NF1: variants seen among roughly 807,000 people sequenced by gnomAD.
NF1 encodes the protein neurofibromin.
A neutral mutation model predicts 325.7 loss-of-function variants in NF1; 122 were observed. That is an observed-to-expected ratio of 0.37 (90% CI 0.32 to 0.44). The LOEUF is 0.44. Among genes scored for constraint, NF1 ranks in the 20% least tolerant of loss-of-function variants. NF1 has a pLI of 1.00. For synonymous variants in NF1, 1,091 were observed against 1,186.0 expected (o/e 0.92, Z 1.65); for missense variants, 2,140 against 3,415.4 (o/e 0.63, Z 9.31).
intron 8 of NF1, chr17:31,183,491 C>A (rs1228995887): frequency 2.0e-5 from 3 of 152,166 alleles, no homozygotes; most frequent in African/African-American, 4.8e-5. Flanking sequence ...TCTGTGATTG[C>A]GTGTTACTCC....
intron 57 of NF1, among the ~76,000 whole-genome samples, chr17:31,362,543 C>CT (rs1347892414): frequency 6.6e-6 from 1 of 152,138 alleles, no homozygotes; most frequent in Non-Finnish European, 1.5e-5. Context: ...CCTTCTCCTT[C>CT]TTTATTTCCT....
At chr17:31,228,047 AC>A (rs2067046792) in intron 20 of NF1, among the ~76,000 whole-genome samples, 1 of 152,228 alleles carries the variant, frequency 6.6e-6, no homozygotes, top group Non-Finnish European at 1.5e-5. Context: ...AAAAGGAGCA[AC>A]AGAGGTAGAG....
rs1914507436 is a variant in NF1 at position 31,122,365 on chromosome 17, T to C, written c.60+26996T>C. The stretch of plus-strand genomic sequence containing the variant: ...AAATGACAAGTTTCTTGTTTATTGT[T>C]TTGAATAAAGGGGAAAATTGTTTTC... On this transcript the variant is annotated intron_variant, in intron 1 of 57. Transcript: ENST00000358273. Among the ~76,000 whole-genome samples, 3 of 152,204 alleles carry C rather than the reference T, an allele frequency of 2.0e-5. No individual in the cohort carries two copies. The South Asian group carries it at 6.2e-4, about 32-fold the overall frequency.
At chr17:31,115,262 G>C (rs1913801319) in intron 1 of NF1, among the ~76,000 whole-genome samples, 2 of 152,132 alleles carry the variant, frequency 1.3e-5, no homozygotes, top group African/African-American at 4.8e-5. Flanking sequence ...GCACAGGACA[G>C]CCCCCAAGAG....
chr17:31,276,514 GTTT>G (rs1312738122), intron 36 of NF1, among the ~76,000 whole-genome samples: 1 of 152,096 alleles, frequency 6.6e-6, no homozygotes, highest in Non-Finnish European at 1.5e-5. Flanking sequence ...AAAACCTTAA[GTTT>G]TATCAAAAAA....
At chr17:31,105,419 C>T (rs1008791288) in intron 1 of NF1, among the ~76,000 whole-genome samples, 1 of 152,218 alleles carries the variant, frequency 6.6e-6, no homozygotes, top group Non-Finnish European at 1.5e-5. Context: ...GTCTGGCACT[C>T]ACGGTTTGGC....
Position 31,336,521 on chromosome 17 carries a change from C to A in NF1, c.6147+48C>A, listed in dbSNP as rs1189455348. 11 of 1,611,650 alleles carry A rather than the reference C, an allele frequency of 6.8e-6. No individual in the cohort carries two copies. The highest frequency in any genetic ancestry group is 9.3e-6 in the Non-Finnish European group (11 of 1,178,896). ...CTGTACTATAGCATATCTGTTTTAT[C>A]ATCAGGAGGTTTTTTGTTTTGTAAT... On this transcript the variant is annotated intron_variant, in intron 41 of 57. Transcript: ENST00000358273. The surrounding 1 kb of genome is among the most constrained non-coding windows in gnomAD (Gnocchi z 5.5).
chr17:31,113,435 G>C lies in NF1; in HGVS notation c.60+18066G>C, dbSNP rs561759936. ...TCATTTTCTTATTTTATAGAGACAG[G>C]ATCTTGCTGTGTTTCCCAGGCTGGT... On this transcript the variant is annotated intron_variant, in intron 1 of 57. Transcript: ENST00000358273. 5.3e-5 allele frequency among the ~76,000 whole-genome samples: 8 copies of C among 152,192 alleles called. No individual in the cohort carries two copies. The East Asian group carries it at 1.4e-3, about 26-fold the overall frequency.
intron 36 of NF1, among the ~76,000 whole-genome samples, chr17:31,283,309 C>T (rs534344766): frequency 4.3e-4 from 65 of 151,582 alleles, no homozygotes; most frequent in Middle Eastern, 3.4e-3. Context: ...CCCAGCTACT[C>T]GGGAGGCTGA....
intron 52 of NF1, 178 bp from the exon 53 acceptor site, chr17:31,356,782 C>A: frequency 1.8e-6 from 2 of 1,121,640 alleles, no homozygotes; most frequent in Non-Finnish European, 2.5e-6. Context: ...TTATATACAG[C>A]ATTGTAAATA....
Position 31,163,255 on chromosome 17 carries a change from T to G in NF1, c.358T>G (p.Phe120Val). The change falls in exon 4 of 58, where the codon TTT becomes GTT. Residue 120 changes from phenylalanine to valine, a missense_variant. Physicochemically the swap from Phe to Val is conservative, Grantham distance 50. This residue lies in a region of NF1 where 246 missense variants were observed against 347.8 expected (regional missense o/e 0.71). Transcript: ENST00000358273. The stretch of plus-strand genomic sequence containing the variant: ...ACAGTTGCTGCCAGAAATCTGCCAT[T>G]TTCTTCACACCTGTCGTGAAGGAAA... The part of the protein sequence containing the change: ...VKQLLPEICH[F>V]LHTCREGNQH... The G allele has an allele frequency of 6.2e-7, 1 of 1,614,172 alleles. No individual in the cohort carries two copies. The highest frequency in any genetic ancestry group is 8.5e-7 in the Non-Finnish European group (1 of 1,180,028).
rs571038983 is a variant in NF1 at position 31,167,674 on chromosome 17, C to T, written c.480-2217C>T. On this transcript the variant is annotated intron_variant, in intron 4 of 57. Transcript: ENST00000358273. ...AGCATGATTTAATAGATTAGCAATA[C>T]CAACTTTTGAAAATCTGAGTGCTGT... Among the ~76,000 whole-genome samples, 4 of 152,132 alleles carry T rather than the reference C, an allele frequency of 2.6e-5. No individual in the cohort carries two copies. In the South Asian group the frequency reaches 6.2e-4, roughly 24 times the overall value.
At chr17:31,238,321 C>G (rs1387043846) in intron 29 of NF1, among the ~76,000 whole-genome samples, 1 of 152,168 alleles carries the variant, frequency 6.6e-6, no homozygotes, top group Non-Finnish European at 1.5e-5. Context: ...CCACAGTGTT[C>G]TGTTATCCCT....
chr17:31,128,747 C>T (rs746374796), intron 1 of NF1, among the ~76,000 whole-genome samples: 6 of 151,924 alleles, frequency 3.9e-5, no homozygotes, highest in Non-Finnish European at 7.4e-5. Flanking sequence ...ACCGTGAAAC[C>T]CTGTCTCTAC....
chr17:31,260,441 C>A lies in NF1; in HGVS notation c.4503C>A (p.Asp1501Glu), dbSNP rs577394398. The A allele has an allele frequency of 6.2e-7, 1 of 1,613,870 alleles. No individual in the cohort carries two copies. Among genetic ancestry groups the A allele is most frequent in the Non-Finnish European group, 8.5e-7 (1 of 1,179,904 alleles). ...ATCATAGTCTTTCCTTCATAAGTGA[C>A]GGCAATGTGCTTGCTTTACATCGTC... Reference protein sequence around the residue: ...AVNHSLSFISDGNVLALHRLL... With the variant: ...AVNHSLSFISEGNVLALHRLL... The change falls in exon 34 of 58, where the codon GAC becomes GAA. Residue 1501 changes from aspartate to glutamate, a missense_variant. Around this residue, in one of 10 missense-constraint regions of NF1, gnomAD observed 336 missense variants for 399.0 expected, o/e 0.84. Transcript: ENST00000358273.
chr17:31,106,600 G>A (rs1278543334), intron 1 of NF1, among the ~76,000 whole-genome samples: 2 of 152,268 alleles, frequency 1.3e-5, no homozygotes, highest in East Asian at 1.9e-4. Context: ...TTCTTCACTC[G>A]AAGATGGTAT....
intron 14 of NF1, among the ~76,000 whole-genome samples, chr17:31,221,194 A>G (rs1311425832): frequency 6.6e-6 from 1 of 151,874 alleles, no homozygotes; most frequent in Non-Finnish European, 1.5e-5. Context: ...TATATCTTTG[A>G]TGGTTTTAAT....
intron 5 of NF1, among the ~76,000 whole-genome samples, chr17:31,181,187 T>C (rs1211681802): frequency 3.3e-5 from 5 of 152,178 alleles, no homozygotes; most frequent in Admixed American, 3.3e-4. Context: ...AAGCAAGTTA[T>C]TAAAAGAAAA....
intron 36 of NF1, among the ~76,000 whole-genome samples, chr17:31,323,700 A>G (rs1267089179): frequency 6.6e-6 from 1 of 152,086 alleles, no homozygotes; most frequent in East Asian, 1.9e-4. Context: ...ACATCTAGTT[A>G]CCTGTTTCTT....
Sources: allele counts gnomAD v4.1 joint callset (sites outside exome capture counted in the v4.1 genomes callset), GRCh38; gene constraint gnomAD v4.1.1; regional missense constraint gnomAD v4.1.1; non-coding constraint Gnocchi (gnomAD v3.1); transcripts MANE v1.5; gene names NCBI Gene and HGNC (gene_info 2026-07-23, HGNC 2026-07-21).